The following ASIC2 variants were observed in gnomAD, a reference collection of about 807,000 sequenced individuals.
ASIC2 encodes acid-sensing ion channel 2.
Under a neutral mutation model 57.3 loss-of-function variants are expected in ASIC2, and 25 were observed. The ratio of observed to expected loss-of-function variants is 0.44; its 90% CI spans 0.32 to 0.61. ASIC2 has a LOEUF of 0.61. Ranked by LOEUF, ASIC2 falls within the 20% of genes least tolerant of loss-of-function variation. ASIC2 has a pLI of 0.06. For synonymous variants in ASIC2, 319 were observed against 307.5 expected, an observed-to-expected ratio of 1.04 and a Z score of -0.39; for missense variants, 641 against 738.1, an observed-to-expected ratio of 0.87 and a Z score of 1.52.
intron 1 of ASIC2, among the ~76,000 whole-genome samples, chr17:33,443,274 T>C (rs1911886864): frequency 6.6e-6 from 1 of 152,122 alleles, no homozygotes; most frequent in South Asian, 2.1e-4. Context: ...ATAATAGGAG[T>C]TGGGAAGTAT....
intron 1 of ASIC2, among the ~76,000 whole-genome samples, chr17:33,459,564 C>T (rs921178866): frequency 5.3e-5 from 8 of 152,302 alleles, no homozygotes; most frequent in Non-Finnish European, 7.3e-5. Context: ...CTGAAAGCAT[C>T]GAGGCAAAGA....
intron 1 of ASIC2, among the ~76,000 whole-genome samples, chr17:33,464,523 T>G (rs1813090637): frequency 6.7e-5 from 2 of 29,652 alleles, no homozygotes; most frequent in South Asian, 1.5e-3. Flanking sequence ...TTTCTTTCTT[T>G]CTTTCTTTCT....
chr17:33,804,815 C>T (rs1221267042), intron 1 of ASIC2, among the ~76,000 whole-genome samples: 1 of 152,116 alleles, frequency 6.6e-6, no homozygotes, highest in East Asian at 1.9e-4. Flanking sequence ...GACCTGACAA[C>T]AGATTAAATA....
intron 1 of ASIC2, among the ~76,000 whole-genome samples, chr17:33,503,974 AG>A (rs1166981045): frequency 6.6e-6 from 1 of 152,228 alleles, no homozygotes; most frequent in African/African-American, 2.4e-5. Flanking sequence ...AGAATGGGGA[AG>A]GGGCAAATGA....
At chr17:34,039,491 G>A (rs1390147918) in intron 1 of ASIC2, 6 of 1,613,680 alleles carry the variant, frequency 3.7e-6, no homozygotes, top group Non-Finnish European at 5.1e-6. Flanking sequence ...AAACCATAGA[G>A]GGGCTGTTCT....
At chr17:33,796,947 C>A (rs1276425436) in intron 1 of ASIC2, among the ~76,000 whole-genome samples, 1 of 152,088 alleles carries the variant, frequency 6.6e-6, no homozygotes, top group East Asian at 1.9e-4. Context: ...CATAGAGACT[C>A]AAGTATGGTG....
chr17:33,360,556 A>AT (rs1908559121), intron 1 of ASIC2, among the ~76,000 whole-genome samples: 1 of 152,106 alleles, frequency 6.6e-6, no homozygotes, highest in Non-Finnish European at 1.5e-5. Flanking sequence ...TTCTTTGTGT[A>AT]TTTTTCTAAT....
chr17:33,941,574 G>A (rs527310526), intron 1 of ASIC2, among the ~76,000 whole-genome samples: 4 of 152,346 alleles, frequency 2.6e-5, no homozygotes, highest in South Asian at 2.1e-4. Context: ...GAAGTAGATA[G>A]AGGGAGCTGG....
intron 1 of ASIC2, among the ~76,000 whole-genome samples, chr17:33,426,939 C>A (rs1911240161): frequency 6.6e-6 from 1 of 152,156 alleles, no homozygotes; most frequent in South Asian, 2.1e-4. Flanking sequence ...ATAGCTGATA[C>A]CTGAAGGGTA....
intron 1 of ASIC2, among the ~76,000 whole-genome samples, chr17:34,132,045 T>C (rs192110313): frequency 1.2e-4 from 18 of 152,344 alleles, no homozygotes; most frequent in Middle Eastern, 3.4e-3. Context: ...GTTTGATCTC[T>C]GGGCTTTCTA....
chr17:33,264,708 G>C (rs1054766149), intron 1 of ASIC2, among the ~76,000 whole-genome samples: 1 of 152,224 alleles, frequency 6.6e-6, no homozygotes, highest in Non-Finnish European at 1.5e-5. Flanking sequence ...TGTGGGTTGG[G>C]CTAACTCAGT....
At chr17:33,228,483 G>A (rs535487476) in intron 1 of ASIC2, among the ~76,000 whole-genome samples, 5 of 152,346 alleles carry the variant, frequency 3.3e-5, no homozygotes, top group South Asian at 4.1e-4. Flanking sequence ...TCACATCCAC[G>A]TGCGCATGGC....
chr17:33,666,116 C>G (rs996692601), intron 1 of ASIC2, among the ~76,000 whole-genome samples: 1 of 152,132 alleles, frequency 6.6e-6, no homozygotes, highest in African/African-American at 2.4e-5. Flanking sequence ...ATTTTCCCCC[C>G]ACATAACCAG....
chr17:33,074,534 T>C (rs972709970), intron 3 of ASIC2, among the ~76,000 whole-genome samples: 1 of 152,110 alleles, frequency 6.6e-6, no homozygotes, highest in Non-Finnish European at 1.5e-5. Flanking sequence ...GGCCTTTGGG[T>C]TCCATGTCTA....
Position 33,291,426 on chromosome 17 carries a change from C to G in ASIC2, c.690G>C (p.Gly230=). The G allele has an allele frequency of 6.2e-7, 1 of 1,602,326 alleles. No individual in the cohort carries two copies. The highest frequency in any genetic ancestry group is 2.2e-5 in the East Asian group (1 of 44,622). Residue 230 remains glycine, a synonymous_variant, in exon 1 of 10, where the codon GGG becomes GGC. Coordinates refer to ENST00000225823, the MANE Select transcript of ASIC2 (RefSeq NM_183377.2). ...LSCKYRGELC[G]PHNFSSVFTK... Reference sequence around the variant, plus strand: ...AACTCACGGAGGAGAAGTTGTGCGGCCCGCAGAGCTCGCCGCGGTACTTGC... The same window carrying G: ...AACTCACGGAGGAGAAGTTGTGCGGGCCGCAGAGCTCGCCGCGGTACTTGC...
chr17:34,038,071 AT>A (rs1193530760), intron 1 of ASIC2: 2 of 1,613,370 alleles, frequency 1.2e-6, no homozygotes, highest in African/African-American at 2.7e-5. Flanking sequence ...AATTGTAGCT[AT>A]CATCATCCAT....
intron 1 of ASIC2, among the ~76,000 whole-genome samples, chr17:33,510,389 T>TGA (rs1309195122): frequency 6.6e-6 from 1 of 152,176 alleles, no homozygotes; most frequent in Admixed American, 6.5e-5. Flanking sequence ...TGGTGGCTCA[T>TGA]GCCTGTAATC....
At chr17:33,749,530 C>T (rs1436495901) in intron 1 of ASIC2, among the ~76,000 whole-genome samples, 2 of 151,964 alleles carry the variant, frequency 1.3e-5, no homozygotes, top group Admixed American at 1.3e-4. Context: ...CTTAGTGGTC[C>T]CAACCTTAGC....
chr17:33,672,047 T>A (rs1031341365), intron 1 of ASIC2, among the ~76,000 whole-genome samples: 1 of 151,996 alleles, frequency 6.6e-6, no homozygotes, highest in Non-Finnish European at 1.5e-5. Context: ...AGAAAAAAAA[T>A]TTCCAGAATA....
Sources: gnomAD v4.1 joint callset for allele counts (sites outside exome capture counted in the v4.1 genomes callset) on GRCh38, gnomAD v4.1.1 for gene constraint, MANE v1.5 for transcripts, NCBI Gene and HGNC (gene_info 2026-07-23, HGNC 2026-07-21) for gene names.